Variants in EXOC4 observed in about 807,000 individuals in gnomAD.
EXOC4 encodes the protein SEC8-like 1.
EXOC4 carries 71 observed loss-of-function variants against 107.2 expected under a neutral mutation model. The observed-to-expected ratio is 0.66, with a 90% CI of 0.55 to 0.81. The LOEUF (loss-of-function observed/expected upper bound fraction) is 0.81. Among genes scored for constraint, EXOC4 ranks in the 30% least tolerant of loss-of-function variants. The probability of loss-of-function intolerance (pLI) is 0.00; values close to 1 mark genes in which losing one functional copy is unlikely to be tolerated. For missense variants in EXOC4, 1,108 were observed against 1,189.6 expected, an observed-to-expected ratio of 0.93 and a Z score of 1.01; for synonymous variants, 456 against 441.2, an observed-to-expected ratio of 1.03 and a Z score of -0.42.
intron 9 of EXOC4, among the ~76,000 whole-genome samples, chr7:133,565,112 C>T (rs748361810): frequency 1.2e-4 from 18 of 152,152 alleles, no homozygotes; most frequent in Non-Finnish European, 2.2e-4. Flanking sequence ...TTTTCAGAAC[C>T]ATGGCAAAAT....
At chr7:133,959,975 A>C (rs1030123311) in intron 14 of EXOC4, among the ~76,000 whole-genome samples, 5 of 152,198 alleles carry the variant, frequency 3.3e-5, no homozygotes. Context: ...GAAGGAGTTT[A>C]CATAAAAATA....
intron 9 of EXOC4, among the ~76,000 whole-genome samples, chr7:133,497,594 C>A (rs1349220993): frequency 6.6e-6 from 1 of 152,202 alleles, no homozygotes; most frequent in Non-Finnish European, 1.5e-5. Flanking sequence ...ACAAGCCCAG[C>A]TAACTTTTGT....
intron 9 of EXOC4, among the ~76,000 whole-genome samples, chr7:133,584,250 A>T (rs1036438903): frequency 1.3e-5 from 2 of 152,156 alleles, no homozygotes; most frequent in Non-Finnish European, 2.9e-5. Flanking sequence ...TGTGTATTTG[A>T]TCAGAGATAC....
At chr7:133,435,961 T>G (rs1293792866) in intron 7 of EXOC4, among the ~76,000 whole-genome samples, 1 of 152,184 alleles carries the variant, frequency 6.6e-6, no homozygotes, top group Non-Finnish European at 1.5e-5. Flanking sequence ...TTAGTTTCTT[T>G]TTTCCTCTTA....
At chr7:133,323,438 T>C (rs1795162252) in intron 5 of EXOC4, among the ~76,000 whole-genome samples, 1 of 152,218 alleles carries the variant, frequency 6.6e-6, no homozygotes, top group South Asian at 2.1e-4. Flanking sequence ...TTGAATTTTG[T>C]CAAAGGCCTT....
At chr7:133,357,490 A>G (rs1796047955) in intron 6 of EXOC4, among the ~76,000 whole-genome samples, 1 of 152,200 alleles carries the variant, frequency 6.6e-6, no homozygotes, top group Admixed American at 6.5e-5. Context: ...GAATTTCATA[A>G]TTCTTATTTC....
intron 10 of EXOC4, among the ~76,000 whole-genome samples, chr7:133,683,121 T>C (rs141124574): frequency 1.3e-5 from 2 of 152,328 alleles, no homozygotes; most frequent in East Asian, 3.9e-4. Context: ...TTTACCCCTC[T>C]CTTTCTTTGT....
intron 3 of EXOC4, among the ~76,000 whole-genome samples, chr7:133,289,602 C>T (rs1487141757): frequency 6.6e-6 from 1 of 152,186 alleles, no homozygotes; most frequent in Non-Finnish European, 1.5e-5. Flanking sequence ...AAGAGTACTC[C>T]ACAATCTAGC....
chr7:133,721,874 A>C (rs1795111673), intron 10 of EXOC4, among the ~76,000 whole-genome samples: 1 of 152,156 alleles, frequency 6.6e-6, no homozygotes, highest in Non-Finnish European at 1.5e-5. Flanking sequence ...GGAGTAATAA[A>C]ATATCCTTGT....
intron 10 of EXOC4, among the ~76,000 whole-genome samples, chr7:133,657,647 C>T (rs913193375): frequency 3.9e-5 from 6 of 152,080 alleles, no homozygotes; most frequent in East Asian, 3.8e-4. Context: ...GAGTTGGTTA[C>T]GAAGGCTGTG....
At chr7:133,516,261 G>A (rs776506985) in intron 9 of EXOC4, among the ~76,000 whole-genome samples, 40 of 152,050 alleles carry the variant, frequency 2.6e-4, no homozygotes, top group Admixed American at 1.3e-4. Flanking sequence ...GGTTTTTAGG[G>A]TGTTCACAAA....
At chr7:133,988,353 A>G (rs1010855733) in intron 14 of EXOC4, among the ~76,000 whole-genome samples, 2 of 152,196 alleles carry the variant, frequency 1.3e-5, no homozygotes, top group Admixed American at 6.5e-5. Flanking sequence ...AGAGTTGTAA[A>G]TGGCAAGTTG....
chr7:133,867,168 C>A (rs1251801861), intron 11 of EXOC4, among the ~76,000 whole-genome samples: 1 of 152,196 alleles, frequency 6.6e-6, no homozygotes, highest in Non-Finnish European at 1.5e-5. Context: ...AGGGTTCAAG[C>A]CCTGGCCCTC....
chr7:133,851,736 G>A (rs181474888), intron 11 of EXOC4, among the ~76,000 whole-genome samples: 10 of 152,322 alleles, frequency 6.6e-5, no homozygotes, highest in Middle Eastern at 3.4e-3. Flanking sequence ...AGCAGCCAGC[G>A]TATTTAAGGC....
chr7:133,741,824 G>A (rs1174609505), intron 10 of EXOC4, among the ~76,000 whole-genome samples: 1 of 152,154 alleles, frequency 6.6e-6, no homozygotes, highest in East Asian at 1.9e-4. Context: ...CTGTTGTATA[G>A]ATTGTAGTAT....
intron 9 of EXOC4, among the ~76,000 whole-genome samples, chr7:133,558,258 A>G (rs1405186463): frequency 2.0e-5 from 1 of 49,046 alleles, no homozygotes; most frequent in Non-Finnish European, 4.7e-5. Context: ...TTTCTTTTCA[A>G]ATAAAAGCAC....
intron 7 of EXOC4, among the ~76,000 whole-genome samples, chr7:133,451,796 T>C (rs1798354016): frequency 6.6e-6 from 1 of 152,192 alleles, no homozygotes; most frequent in Non-Finnish European, 1.5e-5. Context: ...AGCATGATAC[T>C]AGTTTCCAGT....
chr7:133,980,640 C>T lies in EXOC4; in HGVS notation c.2207-16852C>T, dbSNP rs186975392. ...AGAATACTCATATCCTTTTACTTAG[C>T]GAAAAATATTTAGATTTTGAAGTAA... is the stretch of plus-strand genomic sequence containing the variant. On this transcript the variant is annotated intron_variant, in intron 14 of 17. Coordinates refer to ENST00000253861, the MANE Select transcript of EXOC4 (RefSeq NM_021807.4). Among the ~76,000 whole-genome samples the T allele has an allele frequency of 8.5e-5, 13 of 152,180 alleles. No individual in the cohort carries two copies. In the East Asian group the frequency reaches 1.9e-3, roughly 23 times the overall value.
chr7:133,886,300 G>T (rs530497368), intron 11 of EXOC4, among the ~76,000 whole-genome samples: 1 of 152,088 alleles, frequency 6.6e-6, no homozygotes, highest in Non-Finnish European at 1.5e-5. Flanking sequence ...TATGTGGACC[G>T]GGAGCCAATT....
Sources: allele counts gnomAD v4.1 joint callset (sites outside exome capture counted in the v4.1 genomes callset), GRCh38; gene constraint gnomAD v4.1.1; transcripts MANE v1.5; gene names NCBI Gene and HGNC (gene_info 2026-07-23, HGNC 2026-07-21).